The following ATP2C1 variants were observed in gnomAD, a reference collection of about 807,000 sequenced individuals.
The protein encoded by ATP2C1 is ATPase secretory pathway Ca2+ transporting 1.
A neutral mutation model predicts 120.5 loss-of-function variants in ATP2C1; 31 were observed. The observed-to-expected ratio is 0.26, with a 90% confidence interval of 0.19 to 0.35. The LOEUF (loss-of-function observed/expected upper bound fraction) is 0.35, where lower values mean the gene tolerates loss of function less well. Ranked by LOEUF, ATP2C1 falls within the 10% of genes least tolerant of loss-of-function variation. ATP2C1 has a pLI of 1.00. For synonymous variants in ATP2C1, 351 were observed against 358.7 expected (o/e 0.98, Z 0.24); for missense variants, 731 against 1,107.5 (o/e 0.66, Z 4.83).
rs74941211 is a variant in ATP2C1, at chr3:130,971,950, A to G, written c.1413+2554A>G. Among the ~76,000 whole-genome samples, 637 of 152,248 alleles carry G rather than the reference A, an allele frequency of 4.2e-3. 6 individuals are homozygous for G. Among genetic ancestry groups the G allele is most frequent in the African/African-American group, 0.014 (590 of 41,552 alleles). ...TGGCATCTCCCTACTGTCATTCCCTAAGTAAGAAGATTCAAGAGTTTTAGA... is the reference window on the plus strand; with the variant it reads ...TGGCATCTCCCTACTGTCATTCCCTGAGTAAGAAGATTCAAGAGTTTTAGA... On this transcript the variant is annotated intron_variant, in intron 17 of 27. Transcript: ENST00000510168.
At chr3:130,924,026 C>T (rs1267028495) in intron 2 of ATP2C1, among the ~76,000 whole-genome samples, 2 of 151,954 alleles carry the variant, frequency 1.3e-5, no homozygotes, top group Admixed American at 6.6e-5. Context: ...TCCATTCTTC[C>T]ATTCTGTATC....
chr3:130,870,673 C>T (rs931299231), intron 1 of ATP2C1, among the ~76,000 whole-genome samples: 1 of 152,154 alleles, frequency 6.6e-6, no homozygotes, highest in African/African-American at 2.4e-5. Flanking sequence ...GGAATTGCTT[C>T]CTCATAAGAA....
intron 11 of ATP2C1, among the ~76,000 whole-genome samples, chr3:130,958,108 C>G (rs1446289440): frequency 6.6e-6 from 1 of 152,110 alleles, no homozygotes; most frequent in Non-Finnish European, 1.5e-5. Context: ...ATACCATAAA[C>G]CATTTCAAAT....
intron 26 of ATP2C1, chr3:131,016,144 C>A (rs146481344): frequency 6.2e-7 from 1 of 1,613,314 alleles, no homozygotes; most frequent in Non-Finnish European, 8.5e-7. Context: ...TGGTGCTTAC[C>A]GAGTTAGGTC....
At chr3:130,981,224 G>A (rs1576979474) in intron 20 of ATP2C1, among the ~76,000 whole-genome samples, 1 of 152,108 alleles carries the variant, frequency 6.6e-6, no homozygotes, top group African/African-American at 2.4e-5. Context: ...CCAGGACTTG[G>A]CAGCCACTAA....
intron 17 of ATP2C1, among the ~76,000 whole-genome samples, chr3:130,971,759 C>T (rs554093380): frequency 9.2e-5 from 14 of 152,252 alleles, no homozygotes; most frequent in South Asian, 2.1e-4. Context: ...TTAGGCCAGA[C>T]GGTTAGCCTT....
chr3:130,893,362 C>T (rs2069260150), upstream of ATP2C1, among the ~76,000 whole-genome samples: 2 of 152,216 alleles, frequency 1.3e-5, no homozygotes, highest in Non-Finnish European at 2.9e-5. Context: ...ATTAGCTCTC[C>T]CTGGAGCTCT....
intron 8 of ATP2C1, 80 bp downstream of exon 8, chr3:130,941,779 T>C: frequency 1.7e-6 from 2 of 1,160,916 alleles, no homozygotes; most frequent in Non-Finnish European, 2.6e-6. Context: ...TTTAAGGAAT[T>C]AACACATAGT....
At chr3:130,858,094 T>C (rs1051729294) in intron 1 of ATP2C1, among the ~76,000 whole-genome samples, 1 of 152,190 alleles carries the variant, frequency 6.6e-6, no homozygotes, top group African/African-American at 2.4e-5. Context: ...GCCAGTTTCC[T>C]CATGCCACTT....
At chr3:130,918,311 C>T in intron 2 of ATP2C1, 1 of 1,563,292 alleles carries the variant, frequency 6.4e-7, no homozygotes, top group Non-Finnish European at 8.8e-7. Context: ...ATAGATTTCA[C>T]CTTCTTTTTC....
intron 2 of ATP2C1, among the ~76,000 whole-genome samples, chr3:130,922,259 A>G (rs1218474979): frequency 6.6e-6 from 1 of 152,176 alleles, no homozygotes; most frequent in Non-Finnish European, 1.5e-5. Context: ...AAGTGTTCAT[A>G]GTAGCCTTGA....
intron 9 of ATP2C1, among the ~76,000 whole-genome samples, chr3:130,954,494 GTTTTT>G (rs887884908): frequency 6.6e-6 from 1 of 151,150 alleles, no homozygotes; most frequent in African/African-American, 2.4e-5. Context: ...TCTGCTATAC[GTTTTT>G]TTTTGAGACG....
intron 8 of ATP2C1, among the ~76,000 whole-genome samples, chr3:130,951,785 C>A (rs1046996758): frequency 6.6e-6 from 1 of 151,982 alleles, no homozygotes; most frequent in Non-Finnish European, 1.5e-5. Context: ...GACTATTGAT[C>A]TGTATTTTAA....
chr3:131,006,814 C>T (rs2063136833), downstream of ATP2C1, among the ~76,000 whole-genome samples: 1 of 151,862 alleles, frequency 6.6e-6, no homozygotes, highest in South Asian at 2.1e-4. Flanking sequence ...AGGTGCATGC[C>T]ACCATACCTA....
At chr3:130,987,053 C>T (rs1174468784) in intron 20 of ATP2C1, among the ~76,000 whole-genome samples, 1 of 151,536 alleles carries the variant, frequency 6.6e-6, no homozygotes, top group Non-Finnish European at 1.5e-5. Flanking sequence ...TATCCTCTGC[C>T]TTAGCCTCCC....
intron 24 of ATP2C1, among the ~76,000 whole-genome samples, chr3:130,997,159 G>A (rs1018667534): frequency 4.6e-5 from 7 of 152,030 alleles, no homozygotes; most frequent in African/African-American, 1.4e-4. Context: ...GAGACTTTGG[G>A]AAAGTATTAG....
At chr3:130,934,314 T>G (rs2059573451) in intron 4 of ATP2C1, among the ~76,000 whole-genome samples, 1 of 152,218 alleles carries the variant, frequency 6.6e-6, no homozygotes, top group African/African-American at 2.4e-5. Flanking sequence ...TCAGTAGAAA[T>G]TCAGAACAGC....
At position 130,894,616 on chromosome 3, in the gene ATP2C1, A is replaced by T. The variant is rs571777334; in HGVS notation, c.-154A>T. On this transcript the variant is annotated 5_prime_UTR_variant, in exon 2 of 28. Coordinates refer to ENST00000510168, the MANE Select transcript of ATP2C1 (RefSeq NM_001378687.1). This position sits in a 1 kb window ranked among gnomAD's most constrained non-coding sequence, Gnocchi z 4.5. Reference sequence around the variant, plus strand: ...TGCTGCTGCTAGGGGTGGTGGGAGCAGCCGTGGGACGCGTGGCCGGGAGCG... The same window carrying T: ...TGCTGCTGCTAGGGGTGGTGGGAGCTGCCGTGGGACGCGTGGCCGGGAGCG... 1.0e-4 allele frequency: 161 copies of T among 1,577,930 alleles called. 1 individual carries two copies. The South Asian group carries it at 1.7e-3, about 17-fold the overall frequency.
At chr3:130,996,167 T>TAGA in intron 23 of ATP2C1, 56 bp downstream of exon 23, 1 of 1,265,154 alleles carries the variant, frequency 7.9e-7, no homozygotes, top group South Asian at 1.2e-5. Context: ...ATATGAAAAG[T>TAGA]AGAACTTAAG....
Sources: gnomAD v4.1 joint callset for allele counts (sites outside exome capture counted in the v4.1 genomes callset) on GRCh38, gnomAD v4.1.1 for gene constraint, Gnocchi (gnomAD v3.1) non-coding constraint, MANE v1.5 for transcripts, NCBI Gene and HGNC (gene_info 2026-07-23, HGNC 2026-07-21) for gene names.